SLC36A2: variants seen among roughly 807,000 people sequenced by gnomAD.
The protein encoded by SLC36A2 is solute carrier family 36 member 2, also known as proton-coupled amino acid transporter 2.
Under a neutral mutation model 42.7 loss-of-function variants are expected in SLC36A2, and 39 were observed. The ratio of observed to expected loss-of-function variants is 0.91; its 90% CI spans 0.71 to 1.19. The LOEUF is 1.19. SLC36A2 is among the 50% of genes most tolerant of loss of function. SLC36A2 has a pLI of 0.00. For synonymous variants in SLC36A2, 237 were observed against 240.8 expected (o/e 0.98, Z 0.15); for missense variants, 590 against 613.7 (o/e 0.96, Z 0.41).
Position 151,333,582 on chromosome 5 carries a change from G to A in SLC36A2, c.745-260C>T, listed in dbSNP as rs550381537. 5.4e-3 allele frequency among the ~76,000 whole-genome samples: 830 copies of A among 152,302 alleles called. 4 individuals carry two copies. The highest frequency in any genetic ancestry group is 8.0e-3 in the Non-Finnish European group (544 of 68,024). Reference sequence around the variant, plus strand: ...TTTGGTTTATGAAAAACCTCCAAAAGGGCCGGGTGCAGTGGCTTAACCTGT... The same window carrying A: ...TTTGGTTTATGAAAAACCTCCAAAAAGGCCGGGTGCAGTGGCTTAACCTGT... On this transcript the variant is annotated intron_variant, in intron 6 of 9. Coordinates refer to ENST00000335244, the MANE Select transcript of SLC36A2 (RefSeq NM_181776.3).
At chr5:151,321,823 A>T (rs749703727) in intron 9 of SLC36A2, 22 of 495,312 alleles carry the variant, frequency 4.4e-5, no homozygotes, top group Admixed American at 1.1e-4. Context: ...GATTACAGGC[A>T]CGTGCCACCA....
At chr5:151,342,553 G>T (rs564533588) in intron 4 of SLC36A2, among the ~76,000 whole-genome samples, 18 of 152,312 alleles carry the variant, frequency 1.2e-4, no homozygotes, top group African/African-American at 4.3e-4. Flanking sequence ...TTTAATGTCT[G>T]CCTTTCTCAC....
At chr5:151,336,517 T>A (rs991526027) in intron 5 of SLC36A2, among the ~76,000 whole-genome samples, 1 of 149,092 alleles carries the variant, frequency 6.7e-6, no homozygotes, top group Non-Finnish European at 1.5e-5. Flanking sequence ...TACTGTTTCC[T>A]AATTAACATA....
At chr5:151,345,395 C>G (rs1294759648) in intron 1 of SLC36A2, among the ~76,000 whole-genome samples, 1 of 152,102 alleles carries the variant, frequency 6.6e-6, no homozygotes, top group South Asian at 2.1e-4. Flanking sequence ...CTTTGTTGAC[C>G]CTCTGTAAAT....
intron 4 of SLC36A2, among the ~76,000 whole-genome samples, chr5:151,339,778 A>G (rs373315404): frequency 6.6e-6 from 1 of 152,306 alleles, no homozygotes; most frequent in East Asian, 1.9e-4. Context: ...TTTATTAGCT[A>G]CCATTCACAT....
At chr5:151,326,390 A>G (rs1320316597) in intron 7 of SLC36A2, among the ~76,000 whole-genome samples, 3 of 151,626 alleles carry the variant, frequency 2.0e-5, no homozygotes, top group African/African-American at 7.3e-5. Context: ...TCCTGTGCAG[A>G]CTCCCTCCGC....
At chr5:151,332,685 G>A (rs1756031629) in intron 7 of SLC36A2, among the ~76,000 whole-genome samples, 1 of 152,206 alleles carries the variant, frequency 6.6e-6, no homozygotes, top group Non-Finnish European at 1.5e-5. Context: ...GCAGAGAACA[G>A]AAGGAGAATT....
intron 7 of SLC36A2, 43 bp downstream of exon 7, chr5:151,333,181 C>T (rs754107211): frequency 1.3e-6 from 2 of 1,542,394 alleles, no homozygotes; most frequent in Non-Finnish European, 9.0e-7. Flanking sequence ...TAGAAGGTCA[C>T]TCACAAGCAC....
chr5:151,344,384 A>T (rs190077888), intron 1 of SLC36A2, 117 bp from the exon 2 acceptor site: 1 of 857,964 alleles, frequency 1.2e-6, no homozygotes, highest in East Asian at 2.7e-5. Context: ...CTCTCAGTCC[A>T]TGAGTCCTTG....
intron 4 of SLC36A2, among the ~76,000 whole-genome samples, chr5:151,341,471 A>C (rs113508956): frequency 0.15 from 22,063 of 152,108 alleles, 3,739 homozygotes; most frequent in African/African-American, 0.41. Flanking sequence ...TCAAAAGAGA[A>C]TTTGACAGTC....
rs1320983973 is a variant in SLC36A2, at chr5:151,343,374, CT to C, written c.344+135del. 8.8e-6 allele frequency: 8 copies of C among 910,742 alleles called. No homozygotes were observed. In the African/African-American group the frequency reaches 1.3e-4, roughly 15 times the overall value. The allele number at this position is 910,742 out of a possible 1,614,324, so 56.4% of individuals were successfully genotyped here. On this transcript the variant is annotated intron_variant, in intron 3 of 9. Transcript: ENST00000335244. Reference sequence around the variant, plus strand: ...AGAGCCTCACCTGAGCTCCCTGCCCCTGAATGCTCTTCACTCTTTCTTGGCC... The same window carrying C: ...AGAGCCTCACCTGAGCTCCCTGCCCCGAATGCTCTTCACTCTTTCTTGGCC...
At position 151,344,164 on chromosome 5, in the gene SLC36A2, G is replaced by T. The variant is rs1309072077; in HGVS notation, c.255+13C>A. On this transcript the variant is annotated intron_variant, in intron 2 of 9. Transcript: ENST00000335244. ...ACTGACCATAAAGCCCCCACATGTG[G>T]CGCCTCTCTTACCAGGATGCCCGCG... 3.7e-6 allele frequency: 6 copies of T among 1,612,826 alleles called. No homozygotes were observed. Among genetic ancestry groups the T allele is most frequent in the African/African-American group, 2.7e-5 (2 of 74,900 alleles).
chr5:151,342,649 T>C (rs1014576441), intron 4 of SLC36A2, among the ~76,000 whole-genome samples: 6 of 152,260 alleles, frequency 3.9e-5, no homozygotes, highest in African/African-American at 1.4e-4. Flanking sequence ...TGGATAAATG[T>C]GGTTTAATAA....
At chr5:151,334,613 C>T (rs1387073104) in intron 6 of SLC36A2, among the ~76,000 whole-genome samples, 1 of 152,130 alleles carries the variant, frequency 6.6e-6, no homozygotes, top group East Asian at 1.9e-4. Flanking sequence ...ATCGCTTGAA[C>T]CCGGGAGGCA....
intron 4 of SLC36A2, among the ~76,000 whole-genome samples, chr5:151,341,122 G>A (rs778506961): frequency 1.1e-4 from 16 of 152,102 alleles, no homozygotes; most frequent in Non-Finnish European, 1.9e-4. Context: ...AATGCTGAGA[G>A]GAAGAACCCA....
chr5:151,329,533 G>T (rs564135676), intron 7 of SLC36A2, among the ~76,000 whole-genome samples: 2 of 152,234 alleles, frequency 1.3e-5, no homozygotes, highest in South Asian at 4.1e-4. Context: ...TAATATAACC[G>T]TACTCCAAAA....
chr5:151,344,582 A>T (rs1292035594), intron 1 of SLC36A2, among the ~76,000 whole-genome samples: 1 of 152,238 alleles, frequency 6.6e-6, no homozygotes, highest in East Asian at 1.9e-4. Context: ...TACGATTATC[A>T]TCTTGCAGGT....
intron 4 of SLC36A2, among the ~76,000 whole-genome samples, chr5:151,339,990 A>G (rs377022767): frequency 1.3e-5 from 2 of 152,248 alleles, no homozygotes; most frequent in East Asian, 3.9e-4. Context: ...AGAAAACCCA[A>G]TACCTAAGAG....
intron 7 of SLC36A2, among the ~76,000 whole-genome samples, chr5:151,330,785 T>C (rs1330591206): frequency 6.6e-6 from 1 of 152,228 alleles, no homozygotes; most frequent in Non-Finnish European, 1.5e-5. Flanking sequence ...CCCTATGTAA[T>C]TGTAAAATTT....
Sources: allele counts gnomAD v4.1 joint callset (sites outside exome capture counted in the v4.1 genomes callset), GRCh38; gene constraint gnomAD v4.1.1; transcripts MANE v1.5; gene names NCBI Gene and HGNC (gene_info 2026-07-23, HGNC 2026-07-21).